DNAAF9: variants seen among roughly 807,000 people sequenced by gnomAD.
DNAAF9 encodes shulin.
A neutral mutation model predicts 167.0 loss-of-function variants in DNAAF9; 90 were observed. The ratio of observed to expected loss-of-function variants is 0.54; its 90% CI spans 0.45 to 0.64. The LOEUF is 0.64. Ranked by LOEUF, DNAAF9 falls within the 30% of genes least tolerant of loss-of-function variation. DNAAF9 has a pLI of 0.00. For synonymous variants in DNAAF9, 491 were observed against 508.8 expected (o/e 0.96, Z 0.47); for missense variants, 1,315 against 1,442.2 (o/e 0.91, Z 1.43).
At position 3,407,577 on chromosome 20, in the gene DNAAF9, CG is replaced by C; in HGVS notation, c.-21del. On this transcript the variant is annotated 5_prime_UTR_variant, in exon 1 of 37. Coordinates refer to ENST00000252032, the MANE Select transcript of DNAAF9 (RefSeq NM_001009984.3). ...GTCCATGGCGGCGGACGACTGGCGG[CG>C]GAGGAGGACGGTGCAGCTGCGAGGG... 1 of 1,230,258 alleles carries C rather than the reference CG, an allele frequency of 8.1e-7. No homozygotes were observed. The highest frequency in any genetic ancestry group is 1.0e-6 in the Non-Finnish European group (1 of 986,774). The allele number at this position is 1,230,258 out of a possible 1,614,324, so 76.2% of individuals were successfully genotyped here. A position where few individuals can be genotyped will look rare whatever the true frequency, so the allele number is the denominator to read the frequency against.
intron 6 of DNAAF9, among the ~76,000 whole-genome samples, chr20:3,373,140 C>T (rs1178795973): frequency 6.6e-6 from 1 of 152,214 alleles, no homozygotes; most frequent in Admixed American, 6.5e-5. Context: ...TTCAGCCCCA[C>T]AGCCCATGCT....
chr20:3,293,165 T>C (rs2068994232), intron 25 of DNAAF9, among the ~76,000 whole-genome samples: 1 of 150,172 alleles, frequency 6.7e-6, no homozygotes, highest in Non-Finnish European at 1.5e-5. Flanking sequence ...TGGGGGCGCA[T>C]GCCTGTAATC....
chr20:3,406,494 T>G (rs1278841833), intron 1 of DNAAF9, among the ~76,000 whole-genome samples: 1 of 152,176 alleles, frequency 6.6e-6, no homozygotes, highest in Non-Finnish European at 1.5e-5. Context: ...CTCAAAGGTC[T>G]CTGCTGCAAC....
intron 6 of DNAAF9, chr20:3,362,360 A>G: frequency 1.7e-6 from 1 of 596,704 alleles, no homozygotes. Context: ...TTTATTAATA[A>G]TTATTGTTTA....
intron 11 of DNAAF9, among the ~76,000 whole-genome samples, chr20:3,331,905 C>T (rs2069836452): frequency 6.6e-6 from 1 of 152,210 alleles, no homozygotes; most frequent in Non-Finnish European, 1.5e-5. Flanking sequence ...AACTCCTGAC[C>T]TTAAGTGATC....
intron 9 of DNAAF9, 157 bp from the exon 10 acceptor site, chr20:3,340,796 G>T: frequency 1.6e-6 from 1 of 641,742 alleles, no homozygotes; most frequent in Non-Finnish European, 2.8e-6. Flanking sequence ...TGGCTGGTTG[G>T]AAACGGATGC....
rs914416804 is a variant in DNAAF9 at position 3,283,619 on chromosome 20, C to A, written c.2487-1853G>T. Among the ~76,000 whole-genome samples the A allele has an allele frequency of 2.6e-5, 4 of 152,254 alleles. No individual in the cohort carries two copies. The East Asian group carries it at 7.7e-4, about 29-fold the overall frequency. On this transcript the variant is annotated intron_variant, in intron 27 of 36. Coordinates refer to ENST00000252032, the MANE Select transcript of DNAAF9 (RefSeq NM_001009984.3). ...ACGCACTGCCAGGCCCATAGAGAAG[C>A]ACGCCTGGTAAGCAGGGCTGGCGTG...
Position 3,304,479 on chromosome 20 carries a change from AATG to A in DNAAF9, c.1740_1742del (p.Ile581del), listed in dbSNP as rs1568592246. 6.6e-6 allele frequency: 10 copies of A among 1,514,586 alleles called. 1 individual carries two copies. Among genetic ancestry groups the A allele is most frequent in the South Asian group, 3.4e-5 (3 of 88,994 alleles). The allele number at this position is 1,514,586 out of a possible 1,614,324, so 93.8% of individuals were successfully genotyped here. On this transcript the variant is annotated inframe_deletion, in exon 21 of 37. Transcript: ENST00000252032. The stretch of plus-strand genomic sequence containing the variant: ...AAATGGAATTCATGTGATCCTTGGA[AATG>A]ATGATACTTCTATGACGACAGTGAG...
intron 10 of DNAAF9, among the ~76,000 whole-genome samples, chr20:3,337,430 CT>C (rs1280999955): frequency 9.7e-6 from 1 of 102,654 alleles, no homozygotes. Context: ...CGCCCAGGTT[CT>C]TTTTTTTTGT....
chr20:3,314,518 G>C (rs1408535472), intron 20 of DNAAF9, among the ~76,000 whole-genome samples: 1 of 152,126 alleles, frequency 6.6e-6, no homozygotes, highest in South Asian at 2.1e-4. Flanking sequence ...CAAGCGAAAG[G>C]AAACAACATC....
intron 22 of DNAAF9, among the ~76,000 whole-genome samples, chr20:3,297,585 C>G (rs1222989875): frequency 6.6e-6 from 1 of 152,100 alleles, no homozygotes; most frequent in African/African-American, 2.4e-5. Context: ...GTTTCATTCT[C>G]GTAAACTCCC....
chr20:3,389,320 A>AT (rs372837132), intron 1 of DNAAF9, among the ~76,000 whole-genome samples: 3,408 of 138,636 alleles, frequency 0.025, 56 homozygotes, highest in Non-Finnish European at 0.038. Flanking sequence ...TAATTTTTCT[A>AT]TTTTTTTTTT....
chr20:3,319,475 A>G (rs2069576369), intron 16 of DNAAF9, among the ~76,000 whole-genome samples: 1 of 152,134 alleles, frequency 6.6e-6, no homozygotes. Context: ...AGAGAAAATG[A>G]TGTTAGCTAG....
At chr20:3,332,886 GCGTGTGTGCGTGTGGTGT>G (rs1392445766) in intron 10 of DNAAF9, among the ~76,000 whole-genome samples, 1 of 137,060 alleles carries the variant, frequency 7.3e-6, no homozygotes, top group East Asian at 2.0e-4. Context: ...ATGCGTGTGT[GCGTGTGTGCGTGTGGTGT>G]GTGTGTGTGT....
In DNAAF9 at chr20:3,255,233, TCTC is replaced by T; in HGVS notation, c.3310_3312del (p.Glu1104del). ...AAGGCACTCACGTGGATGCTCCTGA[TCTC>T]CTGTTGCGTCAGCATCCCCCTGGTC... On this transcript the variant is annotated inframe_deletion, in exon 35 of 37. Coordinates refer to ENST00000252032, the MANE Select transcript of DNAAF9 (RefSeq NM_001009984.3). 1 of 1,550,478 alleles carries T rather than the reference TCTC, an allele frequency of 6.4e-7. No individual in the cohort carries two copies. Among genetic ancestry groups the T allele is most frequent in the East Asian group, 2.4e-5 (1 of 40,902 alleles).
Position 3,361,806 on chromosome 20 carries a change from T to G in DNAAF9, c.613-2213A>C, listed in dbSNP as rs2083368574. 5 of 1,318,336 alleles carry G rather than the reference T, an allele frequency of 3.8e-6. No homozygotes were observed. In the South Asian group the frequency reaches 6.8e-5, roughly 18 times the overall value. 81.7% of individuals were successfully genotyped at this position (1,318,336 alleles called of 1,614,324 possible). Reference sequence around the variant, plus strand: ...GTCTACAAGACATATCTAGAAAATTTACTACTGAAAAATGAAGACTGCTTA... The same window carrying G: ...GTCTACAAGACATATCTAGAAAATTGACTACTGAAAAATGAAGACTGCTTA... On this transcript the variant is annotated intron_variant, in intron 6 of 36. Transcript: ENST00000252032.
chr20:3,370,832 C>G (rs1225417619), intron 6 of DNAAF9, among the ~76,000 whole-genome samples: 2 of 152,208 alleles, frequency 1.3e-5, no homozygotes, highest in African/African-American at 4.8e-5. Context: ...AGCCACTCAC[C>G]AGGCCCTTTT....
chr20:3,407,534 C>A lies in DNAAF9; in HGVS notation c.24G>T (p.Arg8=). The part of the protein sequence containing the change: MDVYPPR[R]QGLPRARSPG... Reference sequence around the variant, plus strand: ...GGGACCGAGCGCGGGGCAGCCCCTGCCGGCGCGGGGGGTACACGTCCATGG... The same window carrying A: ...GGGACCGAGCGCGGGGCAGCCCCTGACGGCGCGGGGGGTACACGTCCATGG... The change falls in exon 1 of 37, where the codon CGG becomes CGT. Residue 8 remains arginine (R), a synonymous_variant. Transcript: ENST00000252032. 7.9e-7 allele frequency: 1 copy of A among 1,259,306 alleles called. No homozygotes were observed. The allele number at this position is 1,259,306 out of a possible 1,614,324, so 78.0% of individuals were successfully genotyped here.
chr20:3,395,054 G>A (rs868632612), intron 1 of DNAAF9, among the ~76,000 whole-genome samples: 3 of 131,164 alleles, frequency 2.3e-5, no homozygotes, highest in Admixed American at 8.7e-5. Context: ...TGCAAGCTCC[G>A]CCTCCCGGGT....
Sources: allele counts gnomAD v4.1 joint callset (sites outside exome capture counted in the v4.1 genomes callset), GRCh38; gene constraint gnomAD v4.1.1; transcripts MANE v1.5; gene names NCBI Gene and HGNC (gene_info 2026-07-23, HGNC 2026-07-21).